Variants in ACTR2 observed in about 807,000 individuals in gnomAD.
The protein encoded by ACTR2 is actin-related protein 2.
In ACTR2, 5 loss-of-function variants were observed where a neutral mutation model predicts 50.2. The ratio of observed to expected loss-of-function variants is 0.10; its 90% CI spans 0.05 to 0.21. The LOEUF (loss-of-function observed/expected upper bound fraction) is 0.21. ACTR2 is among the 10% of genes least tolerant of loss of function. The pLI, the probability that ACTR2 is intolerant of heterozygous loss-of-function variation, is 1.00. For missense variants in ACTR2, 180 were observed against 480.6 expected (o/e 0.37, Z 5.85); for synonymous variants, 140 against 162.9 (o/e 0.86, Z 1.07).
intron 2 of ACTR2, among the ~76,000 whole-genome samples, chr2:65,243,546 T>C (rs1671881004): frequency 6.6e-6 from 1 of 152,048 alleles, no homozygotes; most frequent in African/African-American, 2.4e-5. Flanking sequence ...GGAGTATTGC[T>C]TGAGCCCAGA....
intron 1 of ACTR2, among the ~76,000 whole-genome samples, chr2:65,238,037 A>G (rs761832089): frequency 4.6e-5 from 7 of 151,760 alleles, no homozygotes; most frequent in Admixed American, 6.6e-5. Flanking sequence ...GCCTGGTGGC[A>G]CATACCTGTA....
At chr2:65,230,880 C>G (rs892947583) in intron 1 of ACTR2, among the ~76,000 whole-genome samples, 2 of 151,878 alleles carry the variant, frequency 1.3e-5, no homozygotes, top group Non-Finnish European at 2.9e-5. Context: ...ATGGTGAAAC[C>G]CCGTGTCTAC....
chr2:65,261,637 C>CGAAA (rs1302565456), intron 7 of ACTR2, among the ~76,000 whole-genome samples: 1 of 152,124 alleles, frequency 6.6e-6, no homozygotes, highest in Non-Finnish European at 1.5e-5. Context: ...TCTGTTTTTT[C>CGAAA]TGAACCGTTT....
chr2:65,257,760 G>GT (rs1337763710), intron 6 of ACTR2, among the ~76,000 whole-genome samples: 1 of 152,000 alleles, frequency 6.6e-6, no homozygotes, highest in Admixed American at 6.6e-5. Flanking sequence ...GTGTCTGTTC[G>GT]TATCCTTTGC....
rs1672441519 is a variant in ACTR2 at position 65,269,215 on chromosome 2, A to G, written c.*481A>G. ...TCTGTAATGTGGCGCTTTCAACTGT[A>G]CTGCTGCAGCTTTAAGTACCTTAAA... On this transcript the variant is annotated 3_prime_UTR_variant, in exon 9 of 9. Transcript: ENST00000260641. 1 of 152,366 alleles carries G rather than the reference A, an allele frequency of 6.6e-6. No homozygotes were observed. Among genetic ancestry groups the G allele is most frequent in the East Asian group, 1.9e-4 (1 of 5,156 alleles). The allele number at this position is 152,366 out of a possible 1,614,324, so 9.4% of individuals were successfully genotyped here. A position where few individuals can be genotyped will look rare whatever the true frequency, so the allele number is the denominator to read the frequency against.
chr2:65,231,972 G>A (rs948844239), intron 1 of ACTR2, among the ~76,000 whole-genome samples: 4 of 152,232 alleles, frequency 2.6e-5, no homozygotes, highest in Admixed American at 6.5e-5. Flanking sequence ...TTGTACTTAC[G>A]ATCACATGAC....
chr2:65,261,805 A>G (rs1672275167), intron 7 of ACTR2, among the ~76,000 whole-genome samples: 1 of 152,028 alleles, frequency 6.6e-6, no homozygotes. Flanking sequence ...TTTCCGAGGA[A>G]CCTCCATACT....
intron 5 of ACTR2, 89 bp from the exon 6 acceptor site, chr2:65,255,456 A>T: frequency 1.7e-6 from 2 of 1,159,642 alleles, no homozygotes; most frequent in Admixed American, 2.3e-5. Flanking sequence ...TTTGTTATTG[A>T]TGTGACATAT....
intron 3 of ACTR2, among the ~76,000 whole-genome samples, chr2:65,249,861 C>T (rs1283233761): frequency 6.6e-6 from 1 of 152,210 alleles, no homozygotes; most frequent in Non-Finnish European, 1.5e-5. Context: ...GGCTCAGCAG[C>T]TAAGCCATTT....
intron 8 of ACTR2, among the ~76,000 whole-genome samples, chr2:65,267,562 C>G (rs1354892161): frequency 1.3e-5 from 2 of 152,112 alleles, no homozygotes; most frequent in East Asian, 3.8e-4. Context: ...TAAGGTTTCT[C>G]TTTCAGGTGT....
chr2:65,238,436 G>T (rs559152339), intron 1 of ACTR2, among the ~76,000 whole-genome samples: 84 of 151,970 alleles, frequency 5.5e-4, no homozygotes, highest in African/African-American at 2.0e-3. Flanking sequence ...GAGGCGGGCA[G>T]ATCACGAGGT....
At chr2:65,261,122 G>T in intron 6 of ACTR2, 125 bp from the exon 7 acceptor site, 1 of 882,396 alleles carries the variant, frequency 1.1e-6, no homozygotes, top group Non-Finnish European at 1.7e-6. Flanking sequence ...TATATTTTAG[G>T]AAAAATTGTT....
chr2:65,269,358 T>G lies in ACTR2; in HGVS notation c.*624T>G, dbSNP rs890612819. 1 of 152,134 alleles carries G rather than the reference T, an allele frequency of 6.6e-6. No individual in the cohort carries two copies. The highest frequency in any genetic ancestry group is 1.5e-5 in the Non-Finnish European group (1 of 68,044). The allele number at this position is 152,134 out of a possible 1,614,324, so 9.4% of individuals were successfully genotyped here. A position where few individuals can be genotyped will look rare whatever the true frequency, so the allele number is the denominator to read the frequency against. Reference sequence around the variant, plus strand: ...GTCTTCTGATTTTTATTTTTGAGGTTTTGTCAACTGGAGTACGTAGAGGAA... The same window carrying G: ...GTCTTCTGATTTTTATTTTTGAGGTGTTGTCAACTGGAGTACGTAGAGGAA... On this transcript the variant is annotated 3_prime_UTR_variant, in exon 9 of 9. Transcript: ENST00000260641.
chr2:65,267,533 A>G (rs1439928441), intron 8 of ACTR2, among the ~76,000 whole-genome samples: 3 of 152,214 alleles, frequency 2.0e-5, no homozygotes, highest in African/African-American at 7.2e-5. Context: ...CTGTAAATGA[A>G]AAACTTGCTA....
rs995084130 is a variant in ACTR2 at position 65,269,723 on chromosome 2, C to T, written c.*989C>T. The T allele has an allele frequency of 3.3e-5, 5 of 152,224 alleles. No individual in the cohort carries two copies. Among genetic ancestry groups the T allele is most frequent in the African/African-American group, 1.2e-4 (5 of 41,566 alleles). 9.4% of individuals were successfully genotyped at this position (152,224 alleles called of 1,614,324 possible). Reference sequence around the variant, plus strand: ...TATTCTTTTATATAACTGACCAGTGCTTAATAAAACAAGCAGGTACTTACA... The same window carrying T: ...TATTCTTTTATATAACTGACCAGTGTTTAATAAAACAAGCAGGTACTTACA... On this transcript the variant is annotated 3_prime_UTR_variant, in exon 9 of 9. Transcript: ENST00000260641.
At chr2:65,255,445 G>GT (rs1672132730) in intron 5 of ACTR2, 100 bp from the exon 6 acceptor site, 1 of 1,056,698 alleles carries the variant, frequency 9.5e-7, no homozygotes. Flanking sequence ...TGCCCATTCT[G>GT]TTTGTTATTG....
At chr2:65,261,462 T>C in intron 7 of ACTR2, 70 bp downstream of exon 7, 1 of 1,387,672 alleles carries the variant, frequency 7.2e-7, no homozygotes, top group East Asian at 2.5e-5. Flanking sequence ...AAGTTATTTA[T>C]CAGAAATAGA....
At chr2:65,236,367 G>C (rs1302127449) in intron 1 of ACTR2, among the ~76,000 whole-genome samples, 1 of 151,796 alleles carries the variant, frequency 6.6e-6, no homozygotes, top group Non-Finnish European at 1.5e-5. Context: ...TGAAATTCTG[G>C]ATGGCAGAAT....
rs757353258 is a variant in ACTR2, at chr2:65,268,673, G to A, written c.1124G>A (p.Arg375Gln). ...GACAAAGACAACTTTTGGATGACCC[G>A]ACAAGAGTACCAAGAAAAGGGTGTC... ...MKDKDNFWMTRQEYQEKGVRV... is the reference protein window; with the variant it reads ...MKDKDNFWMTQQEYQEKGVRV... The change falls in exon 9 of 9, where the codon CGA becomes CAA. Residue 375 changes from arginine (R) to glutamine (Q), a missense_variant. Arg to Gln is a conservative substitution (Grantham distance 43). Coordinates refer to ENST00000260641, the MANE Select transcript of ACTR2 (RefSeq NM_005722.4). 3.2e-5 allele frequency: 51 copies of A among 1,613,884 alleles called. No individual in the cohort carries two copies. Among genetic ancestry groups the A allele is most frequent in the Admixed American group, 3.3e-5 (2 of 59,980 alleles).
Sources: gnomAD v4.1 joint callset for allele counts (sites outside exome capture counted in the v4.1 genomes callset) on GRCh38, gnomAD v4.1.1 for gene constraint, MANE v1.5 for transcripts, NCBI Gene and HGNC (gene_info 2026-07-23, HGNC 2026-07-21) for gene names.